Variants in ACVR1 observed in about 807,000 individuals in gnomAD.
The protein encoded by ACVR1 is activin receptor type-1.
ACVR1 carries 38 observed loss-of-function variants against 57.1 expected under a neutral mutation model. The ratio of observed to expected loss-of-function variants is 0.67; its 90% CI spans 0.51 to 0.87. The LOEUF (loss-of-function observed/expected upper bound fraction) is 0.87. Ranked by LOEUF, ACVR1 falls within the 40% of genes least tolerant of loss-of-function variation. The probability of loss-of-function intolerance (pLI) is 0.00; values close to 1 mark genes in which losing one functional copy is unlikely to be tolerated. For missense variants in ACVR1, 463 were observed against 638.2 expected, an observed-to-expected ratio of 0.73 and a Z score of 2.96; for synonymous variants, 212 against 228.1, an observed-to-expected ratio of 0.93 and a Z score of 0.63.
chr2:157,753,382 G>T (rs1685287658), intron 9 of ACVR1, among the ~76,000 whole-genome samples: 1 of 152,110 alleles, frequency 6.6e-6, no homozygotes, highest in Non-Finnish European at 1.5e-5. Flanking sequence ...ACAAAAATTA[G>T]CTGGGTGTGG....
At chr2:157,792,277 C>T (rs906383248) in intron 3 of ACVR1, among the ~76,000 whole-genome samples, 2 of 152,120 alleles carry the variant, frequency 1.3e-5, no homozygotes, top group African/African-American at 2.4e-5. Context: ...TCTGTTCTAG[C>T]CCGTAACAAA....
chr2:157,815,072 G>C (rs1428735912), intron 2 of ACVR1, among the ~76,000 whole-genome samples: 1 of 152,124 alleles, frequency 6.6e-6, no homozygotes, highest in Non-Finnish European at 1.5e-5. Context: ...CTGGGCAACA[G>C]AGCAAGACTC....
intron 1 of ACVR1, among the ~76,000 whole-genome samples, chr2:157,834,293 G>A (rs552650624): frequency 9.2e-5 from 14 of 152,086 alleles, no homozygotes; most frequent in East Asian, 5.8e-4. Context: ...GGGTTTCACC[G>A]TGTTAGCCAG....
chr2:157,766,402 T>G (rs1187073198), intron 7 of ACVR1, among the ~76,000 whole-genome samples: 1 of 152,110 alleles, frequency 6.6e-6, no homozygotes, highest in African/African-American at 2.4e-5. Context: ...AATAGGAAAA[T>G]TTCATATTCA....
chr2:157,754,474 A>T (rs1337772500), intron 9 of ACVR1, among the ~76,000 whole-genome samples: 1 of 152,208 alleles, frequency 6.6e-6, no homozygotes, highest in Non-Finnish European at 1.5e-5. Context: ...GGCTACTATG[A>T]ATACCTTAAC....
At chr2:157,816,458 G>A (rs1005661392) in intron 2 of ACVR1, among the ~76,000 whole-genome samples, 5 of 151,382 alleles carry the variant, frequency 3.3e-5, no homozygotes, top group African/African-American at 7.3e-5. Context: ...ATAGCCAGGC[G>A]TGGTTGTGTA....
At chr2:157,741,129 G>A (rs1029284397) in intron 9 of ACVR1, among the ~76,000 whole-genome samples, 1 of 152,160 alleles carries the variant, frequency 6.6e-6, no homozygotes, top group Non-Finnish European at 1.5e-5. Flanking sequence ...TAGTGGAAGA[G>A]CAGGACAAGT....
At chr2:157,868,139 C>A (rs1690002261) in intron 1 of ACVR1, among the ~76,000 whole-genome samples, 1 of 152,086 alleles carries the variant, frequency 6.6e-6, no homozygotes, top group African/African-American at 2.4e-5. Flanking sequence ...GTCTCGCATG[C>A]CACCCTGAGA....
chr2:157,796,286 T>A (rs1446338650), intron 3 of ACVR1, among the ~76,000 whole-genome samples: 1 of 150,700 alleles, frequency 6.6e-6, no homozygotes, highest in Non-Finnish European at 1.5e-5. Flanking sequence ...CCAAGGTGGC[T>A]CAAGCCTATA....
rs367564888 is a variant in ACVR1, at chr2:157,874,432, G to A, written c.-183+1364C>T. 3.9e-5 allele frequency among the ~76,000 whole-genome samples: 6 copies of A among 152,214 alleles called. No homozygotes were observed. In the South Asian group the frequency reaches 1.2e-3, roughly 32 times the overall value. ...CAGTCTGCACACTATGAAGCTGCAT[G>A]GCGAGGCCGATGTCTGAGGTCAGCA... is the stretch of plus-strand genomic sequence containing the variant. On this transcript the variant is annotated intron_variant, in intron 1 of 10. Transcript: ENST00000434821.
At chr2:157,844,180 T>C (rs1689060090) in intron 1 of ACVR1, among the ~76,000 whole-genome samples, 1 of 152,082 alleles carries the variant, frequency 6.6e-6, no homozygotes, top group Non-Finnish European at 1.5e-5. Flanking sequence ...CTGTGGGAGA[T>C]CAAGTTCAAG....
At chr2:157,848,322 G>A (rs1472513232) in intron 1 of ACVR1, among the ~76,000 whole-genome samples, 1 of 152,066 alleles carries the variant, frequency 6.6e-6, no homozygotes. Flanking sequence ...TGAGACACTT[G>A]CTCTTGGAAC....
chr2:157,871,685 TA>T (rs1255720364), intron 1 of ACVR1, among the ~76,000 whole-genome samples: 1 of 152,152 alleles, frequency 6.6e-6, no homozygotes, highest in Admixed American at 6.5e-5. Flanking sequence ...ATGGATCACA[TA>T]AGAGCCTTTA....
chr2:157,830,750 A>C (rs908779636), intron 1 of ACVR1, among the ~76,000 whole-genome samples: 1 of 150,870 alleles, frequency 6.6e-6, no homozygotes, highest in African/African-American at 2.4e-5. Context: ...AAAAAAAAAA[A>C]ATGTAATTTT....
At position 157,766,034 on chromosome 2, in the gene ACVR1, T is replaced by C; in HGVS notation, c.953A>G (p.His318Arg). 6.2e-7 allele frequency: 1 copy of C among 1,614,158 alleles called. No homozygotes were observed. Among genetic ancestry groups the C allele is most frequent in the Non-Finnish European group, 8.5e-7 (1 of 1,180,000 alleles). Residue 318 changes from histidine (H) to arginine (R), a missense_variant, in exon 8 of 11, where the codon CAT becomes CGT. His to Arg is a conservative substitution (Grantham distance 29). Around this residue, in one of 3 missense-constraint regions of ACVR1, gnomAD observed 114 missense variants for 216.2 expected, o/e 0.53. Transcript: ENST00000434821. ...GGTCCCAAATATCTCTATGTGCAAATGTGCAAGACCACTAGCTATGGACAG... is the reference window on the plus strand; with the variant it reads ...GGTCCCAAATATCTCTATGTGCAAACGTGCAAGACCACTAGCTATGGACAG... ...IVLSIASGLA[H>R]LHIEIFGTQG...
At chr2:157,835,401 C>T (rs181993168) in intron 1 of ACVR1, among the ~76,000 whole-genome samples, 3 of 152,322 alleles carry the variant, frequency 2.0e-5, no homozygotes, top group Admixed American at 2.0e-4. Context: ...GCACTCACAA[C>T]AGAACATGAT....
intron 3 of ACVR1, among the ~76,000 whole-genome samples, chr2:157,783,832 T>C (rs1037616388): frequency 2.6e-5 from 4 of 152,180 alleles, no homozygotes; most frequent in African/African-American, 7.2e-5. Context: ...ATTAGCAAAG[T>C]CCTTCATCAT....
intron 6 of ACVR1, among the ~76,000 whole-genome samples, chr2:157,773,801 T>C (rs750907410): frequency 1.3e-5 from 2 of 152,196 alleles, no homozygotes; most frequent in African/African-American, 2.4e-5. Flanking sequence ...GGAGCAACCA[T>C]ATCAATTCAT....
chr2:157,786,094 C>G (rs1277347499), intron 3 of ACVR1, among the ~76,000 whole-genome samples: 1 of 152,210 alleles, frequency 6.6e-6, no homozygotes, highest in Non-Finnish European at 1.5e-5. Context: ...CAACACCTCT[C>G]CACCTAGTCA....
Sources: gnomAD v4.1 joint callset for allele counts (sites outside exome capture counted in the v4.1 genomes callset) on GRCh38, gnomAD v4.1.1 for gene constraint, gnomAD v4.1.1 regional missense constraint, MANE v1.5 for transcripts, NCBI Gene and HGNC (gene_info 2026-07-23, HGNC 2026-07-21) for gene names.